Variants in PHF21A observed in about 807,000 individuals in gnomAD.
PHF21A encodes BHC80a.
A neutral mutation model predicts 82.5 loss-of-function variants in PHF21A; 11 were observed. That is an observed-to-expected ratio of 0.13 (90% CI 0.08 to 0.22). PHF21A has a LOEUF of 0.22. Among genes scored for constraint, PHF21A ranks in the 10% least tolerant of loss-of-function variants. The pLI is 1.00. For missense variants in PHF21A, 579 were observed against 837.8 expected, an observed-to-expected ratio of 0.69 and a Z score of 3.81; for synonymous variants, 297 against 302.8, an observed-to-expected ratio of 0.98 and a Z score of 0.20.
At chr11:46,069,246 G>A (rs963796077) in intron 6 of PHF21A, among the ~76,000 whole-genome samples, 1 of 152,156 alleles carries the variant, frequency 6.6e-6, no homozygotes, top group Non-Finnish European at 1.5e-5. Context: ...TGATGAAAAC[G>A]AGGAGCTGAT....
At chr11:46,066,623 C>CAGG (rs2096597337) in intron 6 of PHF21A, among the ~76,000 whole-genome samples, 2 of 152,152 alleles carry the variant, frequency 1.3e-5, no homozygotes, top group Non-Finnish European at 2.9e-5. Flanking sequence ...TACTTGAGCC[C>CAGG]AGGAGTTCAA....
At chr11:45,975,964 A>C (rs891791721) in intron 7 of PHF21A, among the ~76,000 whole-genome samples, 3 of 152,028 alleles carry the variant, frequency 2.0e-5, no homozygotes, top group Non-Finnish European at 4.4e-5. Flanking sequence ...TTGCCCTCAT[A>C]CATTAAATAT....
chr11:46,085,484 T>A (rs780379759), intron 3 of PHF21A, among the ~76,000 whole-genome samples: 1 of 152,240 alleles, frequency 6.6e-6, no homozygotes, highest in Admixed American at 6.5e-5. Context: ...TTCTTGAATG[T>A]GGCCTTAGAC....
chr11:45,955,442 T>C (rs1005071554), intron 10 of PHF21A, among the ~76,000 whole-genome samples: 2 of 152,132 alleles, frequency 1.3e-5, no homozygotes, highest in African/African-American at 4.8e-5. Context: ...AGGAGAGAAG[T>C]ATGATGGAGG....
chr11:46,111,990 C>T (rs1411910872), intron 1 of PHF21A, among the ~76,000 whole-genome samples: 2 of 152,158 alleles, frequency 1.3e-5, no homozygotes, highest in African/African-American at 2.4e-5. Context: ...CCTTAATCAA[C>T]TAGTTTGGAT....
intron 6 of PHF21A, among the ~76,000 whole-genome samples, chr11:46,059,210 A>C (rs2096500041): frequency 6.6e-6 from 1 of 152,214 alleles, no homozygotes; most frequent in South Asian, 2.1e-4. Flanking sequence ...AGCTAGGCAT[A>C]CAACAGTAAA....
intron 7 of PHF21A, among the ~76,000 whole-genome samples, chr11:45,976,880 T>C (rs931989562): frequency 5.3e-5 from 8 of 152,190 alleles, no homozygotes; most frequent in Non-Finnish European, 1.0e-4. Context: ...AGTTTACCTG[T>C]AAACTCAAAA....
chr11:45,933,808 A>T lies in PHF21A; in HGVS notation c.*160T>A. 1 of 632,108 alleles carries T rather than the reference A, an allele frequency of 1.6e-6. No homozygotes were observed. Among genetic ancestry groups the T allele is most frequent in the Non-Finnish European group, 2.6e-6 (1 of 387,740 alleles). 39.2% of individuals were successfully genotyped at this position (632,108 alleles called of 1,614,324 possible). A position where few individuals can be genotyped will look rare whatever the true frequency, so the allele number is the denominator to read the frequency against. On this transcript the variant is annotated 3_prime_UTR_variant, in exon 19 of 19. Coordinates refer to ENST00000676320, the MANE Select transcript of PHF21A (RefSeq NM_001352027.3). ...ACAGAATAAGAAGGATCAATTGGCA[A>T]ACTCTGGTGCCACCTGGCACAAGCA... is the stretch of plus-strand genomic sequence containing the variant.
intron 3 of PHF21A, among the ~76,000 whole-genome samples, chr11:46,090,194 G>A (rs963280683): frequency 2.0e-5 from 3 of 151,898 alleles, no homozygotes; most frequent in Non-Finnish European, 4.4e-5. Context: ...TGACAATGAG[G>A]CCAAGGTTTT....
intron 15 of PHF21A, among the ~76,000 whole-genome samples, chr11:45,940,474 G>A (rs2090139378): frequency 6.6e-6 from 1 of 152,192 alleles, no homozygotes; most frequent in Non-Finnish European, 1.5e-5. Context: ...GATTACAGGT[G>A]TGAGCCACTG....
At chr11:45,978,597 G>T (rs1156429589) in intron 7 of PHF21A, among the ~76,000 whole-genome samples, 2 of 152,230 alleles carry the variant, frequency 1.3e-5, no homozygotes, top group African/African-American at 4.8e-5. Context: ...GGTGTTGGTT[G>T]TAAGAGGTAT....
At chr11:46,021,972 G>A (rs944952993) in intron 6 of PHF21A, among the ~76,000 whole-genome samples, 26 of 152,130 alleles carry the variant, frequency 1.7e-4, no homozygotes, top group Admixed American at 1.7e-3. Flanking sequence ...AGTAGGAAAG[G>A]AAAAGATCTG....
chr11:46,003,474 A>T (rs1326370023), intron 6 of PHF21A, among the ~76,000 whole-genome samples: 1 of 152,086 alleles, frequency 6.6e-6, no homozygotes, highest in Non-Finnish European at 1.5e-5. Context: ...TACTAATGAC[A>T]CTAAAACAAG....
chr11:46,016,553 A>AACCCTTCCCTAATCCCCTACTC (rs2095521176), intron 6 of PHF21A, among the ~76,000 whole-genome samples: 1 of 152,044 alleles, frequency 6.6e-6, no homozygotes, highest in Non-Finnish European at 1.5e-5. Flanking sequence ...TTCTTACATA[A>AACCCTTCCCTAATCCCCTACTC]ACCCTTCCCT....
chr11:46,101,618 G>T (rs772024741), intron 1 of PHF21A, among the ~76,000 whole-genome samples: 6 of 152,098 alleles, frequency 3.9e-5, no homozygotes, highest in Non-Finnish European at 7.4e-5. Flanking sequence ...GCCTGGTATA[G>T]ATCTTAGAAG....
chr11:46,104,760 C>A (rs2097135697), intron 1 of PHF21A, among the ~76,000 whole-genome samples: 1 of 152,172 alleles, frequency 6.6e-6, no homozygotes. Context: ...GCTGGTATTA[C>A]CATCTCTGTA....
At chr11:45,989,718 G>T (rs1017184852) in intron 6 of PHF21A, among the ~76,000 whole-genome samples, 2 of 151,616 alleles carry the variant, frequency 1.3e-5, no homozygotes, top group Non-Finnish European at 2.9e-5. Flanking sequence ...AAAAAATTTA[G>T]CTGGGCACAG....
intron 6 of PHF21A, among the ~76,000 whole-genome samples, chr11:46,056,410 G>C (rs540139370): frequency 6.6e-6 from 1 of 152,086 alleles, no homozygotes; most frequent in Non-Finnish European, 1.5e-5. Context: ...GATGACAAAA[G>C]GAAAACTTTT....
chr11:46,032,170 C>T (rs911149923), intron 6 of PHF21A, among the ~76,000 whole-genome samples: 1 of 152,124 alleles, frequency 6.6e-6, no homozygotes. Flanking sequence ...CCCTGCTACA[C>T]AAAATGATGC....
Sources: gnomAD v4.1 joint callset for allele counts (sites outside exome capture counted in the v4.1 genomes callset) on GRCh38, gnomAD v4.1.1 for gene constraint, MANE v1.5 for transcripts, NCBI Gene and HGNC (gene_info 2026-07-23, HGNC 2026-07-21) for gene names.